The following ZC3H7B variants were observed in gnomAD, a reference collection of about 807,000 sequenced individuals.
ZC3H7B encodes the protein zinc finger CCCH-type containing 7B.
Under a neutral mutation model 116.0 loss-of-function variants are expected in ZC3H7B, and 35 were observed. The observed-to-expected ratio is 0.30, with a 90% confidence interval of 0.23 to 0.40. The LOEUF is 0.40. ZC3H7B is among the 10% of genes least tolerant of loss of function. The pLI, the probability that ZC3H7B is intolerant of heterozygous loss-of-function variation, is 1.00. For missense variants in ZC3H7B, 1,011 were observed against 1,321.5 expected, an observed-to-expected ratio of 0.77 and a Z score of 3.64; for synonymous variants, 502 against 545.6, an observed-to-expected ratio of 0.92 and a Z score of 1.11.
chr22:41,325,638 A>G, intron 3 of ZC3H7B, 41 bp downstream of exon 3: 2 of 1,610,238 alleles, frequency 1.2e-6, no homozygotes, highest in Non-Finnish European at 1.7e-6. Flanking sequence ...TGAAGGGCGG[A>G]GATGTGCAGG....
intron 2 of ZC3H7B, among the ~76,000 whole-genome samples, chr22:41,322,195 T>C (rs923734027): frequency 6.6e-6 from 1 of 150,910 alleles, no homozygotes; most frequent in Non-Finnish European, 1.5e-5. Flanking sequence ...ACACTTTTTT[T>C]TTGTTTGTTT....
chr22:41,322,822 G>T (rs766439517), intron 2 of ZC3H7B, among the ~76,000 whole-genome samples: 4 of 152,006 alleles, frequency 2.6e-5, no homozygotes, highest in Non-Finnish European at 4.4e-5. Context: ...CTTTGTGATG[G>T]GGTCTCCCTG....
intron 1 of ZC3H7B, among the ~76,000 whole-genome samples, chr22:41,305,104 T>G (rs771529142): frequency 1.3e-5 from 2 of 152,276 alleles, no homozygotes; most frequent in South Asian, 4.1e-4. Context: ...CCCAGCACTT[T>G]GGGACGCCGG....
At chr22:41,332,052 C>T (rs560860114) in intron 6 of ZC3H7B, 119 bp from the exon 7 acceptor site, 10 of 1,032,250 alleles carry the variant, frequency 9.7e-6, no homozygotes, top group East Asian at 7.2e-5. Context: ...CAGGGACTCT[C>T]GGGGGCGCTG....
intron 18 of ZC3H7B, 46 bp from the exon 19 acceptor site, chr22:41,355,711 C>T (rs2036704361): frequency 6.2e-7 from 1 of 1,612,136 alleles, no homozygotes; most frequent in African/African-American, 1.3e-5. Flanking sequence ...TCACACAGCA[C>T]ACAGGCTGTG....
chr22:41,321,177 G>C (rs942510564), intron 2 of ZC3H7B, among the ~76,000 whole-genome samples: 1 of 151,384 alleles, frequency 6.6e-6, no homozygotes, highest in East Asian at 1.9e-4. Context: ...CTCCCATGTA[G>C]CTGGGAGCAT....
At chr22:41,316,229 G>A (rs2145904576) in intron 1 of ZC3H7B, among the ~76,000 whole-genome samples, 1 of 151,916 alleles carries the variant, frequency 6.6e-6, no homozygotes, top group East Asian at 1.9e-4. Flanking sequence ...CCAACCTCAG[G>A]TTATCCGCCA....
Position 41,302,798 on chromosome 22 carries a change from C to A in ZC3H7B, c.-7+1026C>A, listed in dbSNP as rs528834278. Among the ~76,000 whole-genome samples, 24 of 151,060 alleles carry A rather than the reference C, an allele frequency of 1.6e-4. No individual in the cohort carries two copies. The highest frequency in any genetic ancestry group is 5.8e-4 in the African/African-American group (24 of 41,074). ...GGCTGTATTGCCAACAGGGCATTGA[C>A]GGGGAAGACTAGGGGGCTAGGGCCC... is the stretch of plus-strand genomic sequence containing the variant. On this transcript the variant is annotated intron_variant, in intron 1 of 22. Coordinates refer to ENST00000352645, the MANE Select transcript of ZC3H7B (RefSeq NM_017590.6). The surrounding 1 kb of genome is among the most constrained non-coding windows in gnomAD (Gnocchi z 5.7).
chr22:41,304,255 C>T (rs1202872439), intron 1 of ZC3H7B, among the ~76,000 whole-genome samples: 1 of 151,848 alleles, frequency 6.6e-6, no homozygotes, highest in Non-Finnish European at 1.5e-5. Context: ...GACAGAGTCT[C>T]ACTCTGTTAC....
At chr22:41,343,284 T>G in intron 12 of ZC3H7B, 131 bp from the exon 13 acceptor site, 1 of 1,199,854 alleles carries the variant, frequency 8.3e-7, no homozygotes, top group Non-Finnish European at 1.2e-6. Flanking sequence ...TGGTGGGAGC[T>G]GGCAGGAGGC....
intron 21 of ZC3H7B, 35 bp from the exon 22 acceptor site, chr22:41,356,610 G>A (rs780572101): frequency 1.1e-5 from 18 of 1,612,346 alleles, no homozygotes; most frequent in Middle Eastern, 1.7e-4. Flanking sequence ...GCAGAGGTGT[G>A]GGGGAGCAGG....
intron 1 of ZC3H7B, among the ~76,000 whole-genome samples, chr22:41,313,267 C>T (rs556700277): frequency 3.2e-4 from 49 of 152,096 alleles, no homozygotes; most frequent in African/African-American, 1.1e-3. Context: ...TACAGGCGCC[C>T]GCCACCACGC....
At chr22:41,303,303 G>A (rs1255478913) in intron 1 of ZC3H7B, among the ~76,000 whole-genome samples, 1 of 152,166 alleles carries the variant, frequency 6.6e-6, no homozygotes, top group Non-Finnish European at 1.5e-5. Flanking sequence ...TCCCTGAGCT[G>A]GGATAAAGTT....
At chr22:41,315,637 T>G (rs2036173283) in intron 1 of ZC3H7B, among the ~76,000 whole-genome samples, 1 of 152,186 alleles carries the variant, frequency 6.6e-6, no homozygotes, top group Non-Finnish European at 1.5e-5. Context: ...TGTGCTGGCC[T>G]GTTTGATTTT....
Position 41,351,004 on chromosome 22 carries a change from G to A in ZC3H7B, c.1949-557G>A, listed in dbSNP as rs576270736. Among the ~76,000 whole-genome samples, 14 of 152,308 alleles carry A rather than the reference G, an allele frequency of 9.2e-5. No homozygotes were observed. In the East Asian group the frequency reaches 1.2e-3, roughly 13 times the overall value. On this transcript the variant is annotated intron_variant, in intron 16 of 22. Transcript: ENST00000352645. The surrounding 1 kb of genome is among the most constrained non-coding windows in gnomAD (Gnocchi z 5.1). ...AGTTGTGAGCTGGATCTCCAAGGTC[G>A]GGCTCAGTGGCAACAGTCTGAGGCT... is the stretch of plus-strand genomic sequence containing the variant.
chr22:41,329,910 C>A, intron 5 of ZC3H7B, 113 bp from the exon 6 acceptor site: 1 of 1,065,556 alleles, frequency 9.4e-7, no homozygotes, highest in South Asian at 1.7e-5. Context: ...ACTTTCTCAT[C>A]TATAACATGG....
chr22:41,343,356 C>T, intron 12 of ZC3H7B, 59 bp from the exon 13 acceptor site: 2 of 1,561,612 alleles, frequency 1.3e-6, no homozygotes, highest in Non-Finnish European at 1.7e-6. Context: ...ATGGGCCTGC[C>T]AGCCATCACT....
chr22:41,339,625 C>CA (rs34780757), intron 9 of ZC3H7B, among the ~76,000 whole-genome samples, 191 bp from the exon 10 acceptor site: 13,880 of 125,870 alleles, frequency 0.11, 2,174 homozygotes, highest in African/African-American at 0.36. Context: ...GACTCCGTCT[C>CA]AAAAAAAAAA....
intron 9 of ZC3H7B, among the ~76,000 whole-genome samples, chr22:41,339,598 C>T (rs1339196336): frequency 2.0e-5 from 3 of 151,248 alleles, no homozygotes. Context: ...TGCACTCCAG[C>T]CTGGGCAGTG....
Sources: gnomAD v4.1 joint callset for allele counts (sites outside exome capture counted in the v4.1 genomes callset) on GRCh38, gnomAD v4.1.1 for gene constraint, Gnocchi (gnomAD v3.1) non-coding constraint, MANE v1.5 for transcripts, NCBI Gene and HGNC (gene_info 2026-07-23, HGNC 2026-07-21) for gene names.